Variants in PDZD2 observed in about 807,000 individuals in gnomAD.
PDZD2 encodes the protein PDZ domain containing 2.
In PDZD2, 90 loss-of-function variants were observed where a neutral mutation model predicts 220.7. That is an observed-to-expected ratio of 0.41 (90% confidence interval 0.34 to 0.49). The LOEUF is 0.49. Among genes scored for constraint, PDZD2 ranks in the 20% least tolerant of loss-of-function variants. The pLI is 0.28. For missense variants in PDZD2, 3,174 were observed against 3,608.5 expected, an observed-to-expected ratio of 0.88 and a Z score of 3.08; for synonymous variants, 1,375 against 1,450.5, an observed-to-expected ratio of 0.95 and a Z score of 1.18.
chr5:31,920,266 A>G (rs1284129983), intron 2 of PDZD2, among the ~76,000 whole-genome samples: 1 of 151,114 alleles, frequency 6.6e-6, no homozygotes, highest in Non-Finnish European at 1.5e-5. Context: ...CCTTGGTAAC[A>G]GAGTGAGACC....
At chr5:31,674,633 G>A (rs1746335563) in intron 1 of PDZD2, among the ~76,000 whole-genome samples, 1 of 152,166 alleles carries the variant, frequency 6.6e-6, no homozygotes, top group African/African-American at 2.4e-5. Flanking sequence ...ATAGAATTTT[G>A]TGGCTGACTG....
At position 32,000,699 on chromosome 5, in the gene PDZD2, G is replaced by A. The variant is rs141305952; in HGVS notation, c.1254+428G>A. On this transcript the variant is annotated intron_variant, in intron 5 of 24. Coordinates refer to ENST00000438447, the MANE Select transcript of PDZD2 (RefSeq NM_178140.4). This position sits in a 1 kb window ranked among gnomAD's most constrained non-coding sequence, Gnocchi z 4.5. ...CTAATTTTGTATTTTTTATAGAGATGGGGTTTCTCCATGTTGGTCAGGCTG... is the reference window on the plus strand; with the variant it reads ...CTAATTTTGTATTTTTTATAGAGATAGGGTTTCTCCATGTTGGTCAGGCTG... Among the ~76,000 whole-genome samples, 1,307 of 152,178 alleles carry A rather than the reference G, an allele frequency of 8.6e-3. 20 individuals carry two copies. The highest frequency in any genetic ancestry group is 0.03 in the African/African-American group (1,226 of 41,520).
chr5:31,859,624 C>T (rs1737497097), intron 2 of PDZD2, among the ~76,000 whole-genome samples: 1 of 152,090 alleles, frequency 6.6e-6, no homozygotes, highest in African/African-American at 2.4e-5. Flanking sequence ...TCTTTGTTTC[C>T]TCTGATTGCT....
chr5:31,838,570 C>G (rs1561497510), intron 2 of PDZD2, among the ~76,000 whole-genome samples: 1 of 152,112 alleles, frequency 6.6e-6, no homozygotes, highest in Non-Finnish European at 1.5e-5. Context: ...GGTGAGTTTT[C>G]AAAAGCTGAT....
intron 2 of PDZD2, among the ~76,000 whole-genome samples, chr5:31,839,316 C>A (rs899384427): frequency 2.0e-5 from 3 of 151,952 alleles, no homozygotes; most frequent in Admixed American, 2.0e-4. Flanking sequence ...TCATTTTATC[C>A]TCTGTAATGA....
chr5:32,068,531 A>T (rs1740427269), intron 14 of PDZD2, among the ~76,000 whole-genome samples: 1 of 152,066 alleles, frequency 6.6e-6, no homozygotes, highest in Admixed American at 6.5e-5. Flanking sequence ...TTAAGTTCTT[A>T]TCTCATCACA....
intron 1 of PDZD2, among the ~76,000 whole-genome samples, chr5:31,708,140 T>A (rs968665377): frequency 6.6e-6 from 1 of 151,454 alleles, no homozygotes; most frequent in Non-Finnish European, 1.5e-5. Context: ...CTCTTCAATT[T>A]TGGTCTGGCG....
rs533750491 is a variant in PDZD2 at position 31,642,929 on chromosome 5, G to A, written c.-361+3492G>A. Among the ~76,000 whole-genome samples the A allele has an allele frequency of 2.6e-5, 4 of 152,302 alleles. No homozygotes were observed. The South Asian group carries it at 8.3e-4, about 32-fold the overall frequency. ...CTGGCACCAGTGGAGGCAGCCAGGA[G>A]GGAAAGGAAGGACTCCTGAGTTGGG... is the stretch of plus-strand genomic sequence containing the variant. On this transcript the variant is annotated intron_variant, in intron 1 of 24. Coordinates refer to ENST00000438447, the MANE Select transcript of PDZD2 (RefSeq NM_178140.4).
intron 2 of PDZD2, among the ~76,000 whole-genome samples, chr5:31,931,831 C>T (rs545030106): frequency 3.3e-5 from 5 of 150,630 alleles, no homozygotes; most frequent in East Asian, 2.0e-4. Context: ...ATGCTGCCGG[C>T]GTTGTGTGAG....
At chr5:32,032,250 C>T (rs1755181578) in intron 6 of PDZD2, among the ~76,000 whole-genome samples, 1 of 152,178 alleles carries the variant, frequency 6.6e-6, no homozygotes, top group Admixed American at 6.5e-5. Context: ...TCCAGAGGCC[C>T]AGGCCCTGTT....
chr5:31,857,655 G>A (rs926756211), intron 2 of PDZD2, among the ~76,000 whole-genome samples: 11 of 152,176 alleles, frequency 7.2e-5, no homozygotes, highest in East Asian at 3.9e-4. Context: ...GGATTTCCTC[G>A]TCATCCTCTA....
chr5:32,089,765 G>C lies in PDZD2; in HGVS notation c.6317G>C (p.Gly2106Ala). 1.2e-6 allele frequency: 2 copies of C among 1,614,222 alleles called. No individual in the cohort carries two copies. The highest frequency in any genetic ancestry group is 1.7e-6 in the Non-Finnish European group (2 of 1,180,044). ...GAAGCAGTGTCAGAGACTGTATGTG[G>C]TAACAAGCCAGCTGAAAGCGACAGA... ...SAEAVSETVC[G>A]NKPAESDRRG... Residue 2106 changes from glycine to alanine, a missense_variant, in exon 20 of 25, where the codon GGT (glycine) becomes GCT (alanine). Coordinates refer to ENST00000438447, the MANE Select transcript of PDZD2 (RefSeq NM_178140.4).
intron 3 of PDZD2, among the ~76,000 whole-genome samples, chr5:31,989,554 C>T (rs1468323161): frequency 6.6e-6 from 1 of 151,718 alleles, no homozygotes; most frequent in Non-Finnish European, 1.5e-5. Context: ...TCCCAAATAG[C>T]TGGGACTATA....
intron 3 of PDZD2, among the ~76,000 whole-genome samples, chr5:31,988,568 G>A (rs1413295187): frequency 6.6e-6 from 1 of 152,032 alleles, no homozygotes; most frequent in African/African-American, 2.4e-5. Flanking sequence ...TCATCCTGAA[G>A]GCATGATCAT....
At chr5:31,824,795 A>G (rs571049427) in intron 2 of PDZD2, among the ~76,000 whole-genome samples, 23 of 152,370 alleles carry the variant, frequency 1.5e-4, no homozygotes, top group South Asian at 2.1e-4. Context: ...AAAATTATGG[A>G]AAGATACACA....
intron 3 of PDZD2, among the ~76,000 whole-genome samples, chr5:31,994,246 A>G (rs1751456096): frequency 6.6e-6 from 1 of 151,732 alleles, no homozygotes; most frequent in African/African-American, 2.4e-5. Context: ...ACCTCTGGTG[A>G]TCCCCCCACC....
chr5:31,966,053 C>G lies in PDZD2; in HGVS notation c.477-17102C>G, dbSNP rs143715800. 3.1e-3 allele frequency among the ~76,000 whole-genome samples: 468 copies of G among 152,260 alleles called. 3 individuals are homozygous for G. Among genetic ancestry groups the G allele is most frequent in the African/African-American group, 0.011 (448 of 41,542 alleles). ...GGATGGGACTTTGGCATAGGGAATC[C>G]CAAGGTCATGGTAAGGGTTTTTGTT... On this transcript the variant is annotated intron_variant, in intron 2 of 24. Coordinates refer to ENST00000438447, the MANE Select transcript of PDZD2 (RefSeq NM_178140.4).
chr5:31,825,448 T>A (rs1756151909), intron 2 of PDZD2, among the ~76,000 whole-genome samples: 2 of 152,160 alleles, frequency 1.3e-5, no homozygotes, highest in African/African-American at 4.8e-5. Flanking sequence ...GCTGGACTTG[T>A]TTCCCCAAGA....
chr5:31,900,887 G>A (rs368268451), intron 2 of PDZD2, among the ~76,000 whole-genome samples: 1 of 152,088 alleles, frequency 6.6e-6, no homozygotes, highest in African/African-American at 2.4e-5. Flanking sequence ...CATCGAAAAT[G>A]CTTAAAGGAT....
Sources: allele counts gnomAD v4.1 joint callset (sites outside exome capture counted in the v4.1 genomes callset), GRCh38; gene constraint gnomAD v4.1.1; non-coding constraint Gnocchi (gnomAD v3.1); transcripts MANE v1.5; gene names NCBI Gene and HGNC (gene_info 2026-07-23, HGNC 2026-07-21).